Variants in ITGA2 observed in about 807,000 individuals in gnomAD.
ITGA2 encodes the protein integrin alpha-2.
In ITGA2, 101 loss-of-function variants were observed where a neutral mutation model predicts 146.3. That is an observed-to-expected ratio of 0.69 (90% CI 0.59 to 0.81). The LOEUF is 0.81. ITGA2 is among the 40% of genes least tolerant of loss of function. The pLI, the probability that ITGA2 is intolerant of heterozygous loss-of-function variation, is 0.00. For missense variants in ITGA2, 1,281 were observed against 1,402.7 expected (o/e 0.91, Z 1.39); for synonymous variants, 477 against 487.1 (o/e 0.98, Z 0.27).
At chr5:53,039,081 C>T (rs574495277) in intron 2 of ITGA2, among the ~76,000 whole-genome samples, 51 of 152,168 alleles carry the variant, frequency 3.4e-4, no homozygotes, top group African/African-American at 8.9e-4. Flanking sequence ...TGACAAAAGA[C>T]GAGACCATCT....
In ITGA2 at chr5:53,061,062, T is replaced by G; in HGVS notation, c.1458+16T>G. 1 of 1,611,610 alleles carries G rather than the reference T, an allele frequency of 6.2e-7. No homozygotes were observed. The highest frequency in any genetic ancestry group is 8.5e-7 in the Non-Finnish European group (1 of 1,178,336). On this transcript the variant is annotated intron_variant, in intron 12 of 29. Coordinates refer to ENST00000296585, the MANE Select transcript of ITGA2 (RefSeq NM_002203.4). ...AGGTGACCAGGTAAATCTCACTGTT[T>G]AGCAGGTGAAATTAATTTTAGGGGC...
chr5:53,075,181 T>C (rs1210940545), intron 22 of ITGA2, 40 bp from the exon 23 acceptor site: 2 of 1,604,934 alleles, frequency 1.2e-6, no homozygotes, highest in African/African-American at 2.7e-5. Flanking sequence ...GATAGCTTTG[T>C]ATTTCTCTTT....
chr5:53,073,944 T>TAAA (rs376587596), intron 20 of ITGA2, among the ~76,000 whole-genome samples: 5 of 67,802 alleles, frequency 7.4e-5, no homozygotes, highest in African/African-American at 1.5e-4. Flanking sequence ...TGAAGAAAAC[T>TAAA]AAAAAAAAAA....
intron 4 of ITGA2, 112 bp from the exon 5 acceptor site, chr5:53,048,251 A>G (rs2111911250): frequency 1.2e-6 from 1 of 837,576 alleles, no homozygotes; most frequent in South Asian, 1.4e-5. Context: ...TGAGTTGACA[A>G]TTATTAGTAT....
chr5:53,022,261 T>C (rs931247368), intron 1 of ITGA2, among the ~76,000 whole-genome samples: 3 of 152,010 alleles, frequency 2.0e-5, no homozygotes, highest in Non-Finnish European at 4.4e-5. Context: ...TGAAGTACAG[T>C]GGCACAATCA....
Position 53,059,863 on chromosome 5 carries a change from A to G in ITGA2, c.1174-11A>G, listed in dbSNP as rs762481480. Reference sequence around the variant, plus strand: ...TTTGTTTCAATGATCTTCATTTTTCAATTATTTTAGGATATTCTGATGCTG... The same window carrying G: ...TTTGTTTCAATGATCTTCATTTTTCGATTATTTTAGGATATTCTGATGCTG... On this transcript the variant is annotated splice_polypyrimidine_tract_variant and intron_variant, in intron 10 of 29. Transcript: ENST00000296585. The G allele has an allele frequency of 6.8e-6, 11 of 1,610,872 alleles. No individual in the cohort carries two copies. The East Asian group carries it at 2.2e-4, about 33-fold the overall frequency.
intron 3 of ITGA2, among the ~76,000 whole-genome samples, chr5:53,044,274 C>CAAAAAAAAAAAAAAAAAA (rs11421419): frequency 5.3e-4 from 20 of 37,780 alleles, no homozygotes; most frequent in African/African-American, 7.6e-4. Flanking sequence ...GACTCTGTCT[C>CAAAAAAAAAAAAAAAAAA]AAAAAAAAAA....
intron 4 of ITGA2, among the ~76,000 whole-genome samples, chr5:53,045,859 C>T (rs898504335): frequency 1.3e-5 from 2 of 151,894 alleles, no homozygotes; most frequent in Admixed American, 6.6e-5. Flanking sequence ...TCCATTGACT[C>T]ATATAGGTAT....
At chr5:53,079,921 C>G (rs1024689070) in intron 24 of ITGA2, among the ~76,000 whole-genome samples, 2 of 152,032 alleles carry the variant, frequency 1.3e-5, no homozygotes, top group African/African-American at 4.8e-5. Flanking sequence ...TGAGCCCTGG[C>G]CAATTAGAAC....
chr5:53,089,392 A>G (rs1740297012), intron 28 of ITGA2: 1 of 153,676 alleles, frequency 6.5e-6, no homozygotes, highest in African/African-American at 2.4e-5. Context: ...GCAGATACAA[A>G]GAATCCTAAG....
At chr5:53,089,406 C>T in intron 28 of ITGA2, 1 of 154,768 alleles carries the variant, frequency 6.5e-6, no homozygotes. Flanking sequence ...TCCTAAGTAG[C>T]CTGAAGGACA....
chr5:53,035,674 G>A (rs145636067), intron 2 of ITGA2, among the ~76,000 whole-genome samples: 2 of 152,204 alleles, frequency 1.3e-5, no homozygotes, highest in East Asian at 1.9e-4. Flanking sequence ...CAGCCTTCAC[G>A]GGTGAATTCT....
chr5:53,076,116 C>G (rs1745652353), intron 23 of ITGA2, among the ~76,000 whole-genome samples: 1 of 152,034 alleles, frequency 6.6e-6, no homozygotes, highest in Non-Finnish European at 1.5e-5. Flanking sequence ...CACAGACAAA[C>G]TGGAACACAG....
intron 1 of ITGA2, among the ~76,000 whole-genome samples, chr5:53,017,283 T>C (rs1372107090): frequency 6.6e-6 from 1 of 152,262 alleles, no homozygotes; most frequent in Non-Finnish European, 1.5e-5. Flanking sequence ...TCTTCTTTGA[T>C]GCACTTGGAG....
chr5:53,058,153 C>T (rs1279431725), intron 10 of ITGA2, 52 bp downstream of exon 10: 1 of 1,295,848 alleles, frequency 7.7e-7, no homozygotes, highest in East Asian at 2.3e-5. Flanking sequence ...ATAACACTTC[C>T]AGACACAGTA....
intron 14 of ITGA2, 120 bp from the exon 15 acceptor site, chr5:53,065,721 A>C: frequency 4.7e-6 from 6 of 1,285,842 alleles, no homozygotes; most frequent in Non-Finnish European, 6.6e-6. Context: ...TAGAATTTGT[A>C]GAGAATAAAC....
chr5:53,040,482 C>T (rs946086628), intron 2 of ITGA2, among the ~76,000 whole-genome samples: 3 of 152,156 alleles, frequency 2.0e-5, no homozygotes, highest in Admixed American at 2.0e-4. Context: ...TGCACTGGTT[C>T]CCTCCCTTCA....
At chr5:52,992,392 T>C (rs1741007309) in intron 1 of ITGA2, among the ~76,000 whole-genome samples, 3 of 152,190 alleles carry the variant, frequency 2.0e-5, no homozygotes, top group African/African-American at 7.2e-5. Flanking sequence ...CAGATCAGTA[T>C]TTCCATCAGC....
chr5:53,051,334 AT>A, intron 6 of ITGA2, 76 bp from the exon 7 acceptor site: 1 of 1,494,868 alleles, frequency 6.7e-7, no homozygotes, highest in Non-Finnish European at 9.3e-7. Context: ...TGTACTTTTG[AT>A]TTTTATTTTA....
Sources: gnomAD v4.1 joint callset for allele counts (sites outside exome capture counted in the v4.1 genomes callset) on GRCh38, gnomAD v4.1.1 for gene constraint, MANE v1.5 for transcripts, NCBI Gene and HGNC (gene_info 2026-07-23, HGNC 2026-07-21) for gene names.